ANK2: variants seen among roughly 807,000 people sequenced by gnomAD.
ANK2 encodes ankyrin 2, also known as ankyrin-2.
In ANK2, 83 loss-of-function variants were observed where a neutral mutation model predicts 360.5. That is an observed-to-expected ratio of 0.23 (90% confidence interval 0.19 to 0.28). The LOEUF (loss-of-function observed/expected upper bound fraction) is 0.28. ANK2 is among the 10% of genes least tolerant of loss of function. The pLI is 1.00. For synonymous variants in ANK2, 1,740 were observed against 1,759.5 expected (o/e 0.99, Z 0.28); for missense variants, 4,201 against 4,795.7 (o/e 0.88, Z 3.66).
chr4:112,774,419 G>T, the ANK2 span, among the ~76,000 whole-genome samples: 1 of 152,102 alleles, frequency 6.6e-6, no homozygotes, highest in Middle Eastern at 3.4e-3. Context: ...CCAGCTACTC[G>T]GGAGGCTGAG....
At chr4:112,800,628 A>G in the ANK2 span, among the ~76,000 whole-genome samples, 2 of 152,020 alleles carry the variant, frequency 1.3e-5, no homozygotes, top group African/African-American at 4.8e-5. Context: ...CAAATTAAGA[A>G]CCCCTTTTGA....
At chr4:113,141,514 A>T (rs943969480) in intron 1 of ANK2, 4 of 152,218 alleles carry the variant, frequency 2.6e-5, no homozygotes, top group African/African-American at 9.6e-5. Flanking sequence ...TTCTTTTTTA[A>T]AAAACAGGAA....
intron 2 of ANK2, among the ~76,000 whole-genome samples, chr4:113,021,436 A>G (rs1262773933): frequency 1.3e-5 from 2 of 151,114 alleles, no homozygotes; most frequent in Non-Finnish European, 3.0e-5. Flanking sequence ...CTCTTGTTTC[A>G]AGACAATATG....
chr4:113,049,844 T>C (rs753042532), intron 1 of ANK2, 32 bp downstream of exon 1: 32 of 1,609,946 alleles, frequency 2.0e-5, no homozygotes, highest in South Asian at 3.3e-5. Context: ...TGTCTGTGTA[T>C]AAATATGTAT....
At chr4:113,002,649 T>C (rs2051223112) in intron 2 of ANK2, among the ~76,000 whole-genome samples, 1 of 152,212 alleles carries the variant, frequency 6.6e-6, no homozygotes, top group South Asian at 2.1e-4. Flanking sequence ...ACCTTGAAAA[T>C]TGAAATAGGC....
chr4:113,250,753 C>CAG (rs1421691508), intron 10 of ANK2, among the ~76,000 whole-genome samples: 1 of 83,066 alleles, frequency 1.2e-5, no homozygotes, highest in East Asian at 4.5e-4. Flanking sequence ...CCTCATACCA[C>CAG]CGCCCCCCCC....
chr4:113,069,733 T>C (rs765719270), intron 1 of ANK2, among the ~76,000 whole-genome samples: 127 of 152,168 alleles, frequency 8.3e-4, no homozygotes, highest in Non-Finnish European at 1.6e-3. Context: ...AGATCCTAAC[T>C]ATCCAGTGAT....
At position 113,097,885 on chromosome 4, in the gene ANK2, C is replaced by T. The variant is rs1226260828; in HGVS notation, c.84+48073C>T. ...GTGTGTGTATATATATGCACACACA[C>T]ACACACGCACACACACATATATATG... On this transcript the variant is annotated intron_variant, in intron 1 of 45. Transcript: ENST00000357077. 1.4e-3 allele frequency among the ~76,000 whole-genome samples: 117 copies of T among 81,870 alleles called. 1 individual carries two copies. The highest frequency in any genetic ancestry group is 4.5e-3 in the South Asian group (10 of 2,198). The allele number at this position is 81,870 out of a possible 152,430, so 53.7% of individuals were successfully genotyped here. A position where few individuals can be genotyped will look rare whatever the true frequency, so the allele number is the denominator to read the frequency against.
chr4:113,184,832 A>G (rs1428012331), intron 2 of ANK2, among the ~76,000 whole-genome samples: 2 of 151,836 alleles, frequency 1.3e-5, no homozygotes, highest in Non-Finnish European at 2.9e-5. Context: ...TACATTAGGT[A>G]TTTCTCCTAA....
intron 2 of ANK2, among the ~76,000 whole-genome samples, chr4:112,932,491 CAAAAA>C (rs750709290): frequency 1.8e-5 from 1 of 54,616 alleles, no homozygotes; most frequent in African/African-American, 6.5e-5. Context: ...GACTCCGTCT[CAAAAA>C]AAAAAAAAAA....
intron 2 of ANK2, among the ~76,000 whole-genome samples, chr4:113,027,615 C>G (rs944837016): frequency 6.6e-6 from 1 of 152,088 alleles, no homozygotes; most frequent in African/African-American, 2.4e-5. Context: ...GAGCTCATGT[C>G]CCCAGGTGTC....
the ANK2 span, among the ~76,000 whole-genome samples, chr4:112,800,398 T>A: frequency 6.6e-5 from 10 of 152,182 alleles, no homozygotes; most frequent in Non-Finnish European, 1.3e-4. Context: ...ATCTAGCGTG[T>A]GTGTGTATGT....
At chr4:112,983,442 C>T (rs568097938) in intron 2 of ANK2, among the ~76,000 whole-genome samples, 1 of 151,200 alleles carries the variant, frequency 6.6e-6, no homozygotes, top group Non-Finnish European at 1.5e-5. Flanking sequence ...TTTGGGAGGC[C>T]GAGATGGGCA....
chr4:113,169,851 T>C (rs1360588262), intron 1 of ANK2, among the ~76,000 whole-genome samples: 1 of 152,178 alleles, frequency 6.6e-6, no homozygotes, highest in African/African-American at 2.4e-5. Context: ...ATGTAAGTTT[T>C]ATAATATTAT....
intron 2 of ANK2, among the ~76,000 whole-genome samples, chr4:112,958,043 C>A (rs1473500447): frequency 6.6e-6 from 1 of 151,300 alleles, no homozygotes; most frequent in Admixed American, 6.6e-5. Flanking sequence ...GGTTGGTGGC[C>A]GGGAAGAGGC....
intron 1 of ANK2, chr4:113,145,995 G>A: frequency 7.8e-7 from 1 of 1,289,732 alleles, no homozygotes; most frequent in South Asian, 1.2e-5. Flanking sequence ...CAAAGAACCT[G>A]GAGTGTGGGT....
intron 20 of ANK2, among the ~76,000 whole-genome samples, chr4:113,288,710 G>C (rs191906433): frequency 6.6e-6 from 1 of 152,286 alleles, no homozygotes; most frequent in African/African-American, 2.4e-5. Flanking sequence ...TAAAGTTAAA[G>C]TAGCTGACAT....
intron 22 of ANK2, among the ~76,000 whole-genome samples, chr4:113,294,478 A>G (rs2069898610): frequency 6.6e-6 from 1 of 152,224 alleles, no homozygotes; most frequent in Admixed American, 6.5e-5. Flanking sequence ...GTTCTAGTAA[A>G]TGCTCCAAAC....
At chr4:113,035,304 C>T (rs2061357137) in intron 2 of ANK2, among the ~76,000 whole-genome samples, 1 of 151,496 alleles carries the variant, frequency 6.6e-6, no homozygotes, top group Non-Finnish European at 1.5e-5. Flanking sequence ...CAAGAAGTGG[C>T]ATAGTGATCA....
Sources: allele counts gnomAD v4.1 joint callset (sites outside exome capture counted in the v4.1 genomes callset), GRCh38; gene constraint gnomAD v4.1.1; transcripts MANE v1.5; gene names NCBI Gene and HGNC (gene_info 2026-07-23, HGNC 2026-07-21).